BRD4: variants seen among roughly 807,000 people sequenced by gnomAD.
BRD4 encodes the protein bromodomain-containing protein 4.
In BRD4, 16 loss-of-function variants were observed where a neutral mutation model predicts 142.1. The observed-to-expected ratio is 0.11, with a 90% CI of 0.08 to 0.17. The LOEUF (loss-of-function observed/expected upper bound fraction) is 0.17. BRD4 is among the 10% of genes least tolerant of loss of function. The pLI, the probability that BRD4 is intolerant of heterozygous loss-of-function variation, is 1.00. For synonymous variants in BRD4, 833 were observed against 707.5 expected, an observed-to-expected ratio of 1.18 and a Z score of -2.82; for missense variants, 1,424 against 1,810.9, an observed-to-expected ratio of 0.79 and a Z score of 3.88.
intron 1 of BRD4, among the ~76,000 whole-genome samples, chr19:15,330,299 T>C (rs1334797328): frequency 6.6e-6 from 1 of 152,184 alleles, no homozygotes; most frequent in African/African-American, 2.4e-5. Flanking sequence ...TACATTTTGT[T>C]TCAGATTAGG....
At position 15,244,587 on chromosome 19, in the gene BRD4, T is replaced by C. The variant is rs2145517093; in HGVS notation, c.2225A>G (p.His742Arg). The C allele has an allele frequency of 6.2e-7, 1 of 1,610,204 alleles. No individual in the cohort carries two copies. The highest frequency in any genetic ancestry group is 1.7e-5 in the Admixed American group (1 of 59,964). Reference protein sequence around the residue: ...GREQKKHHHHHHQQMQQAPAP... With the variant: ...GREQKKHHHHRHQQMQQAPAP... ...CGGGGCCTGCTGCATCTGCTGATGG[T>C]GGTGATGATGGTGCTGCAGACAGAG... The change falls in exon 13 of 20, where the codon CAC becomes CGC. Residue 742 changes from histidine to arginine, a missense_variant. This residue lies in a region of BRD4 where 598 missense variants were observed against 647.8 expected (regional missense o/e 0.92). Transcript: ENST00000679869.
intron 1 of BRD4, among the ~76,000 whole-genome samples, chr19:15,296,681 C>T (rs1432714965): frequency 2.6e-5 from 4 of 152,188 alleles, no homozygotes; most frequent in East Asian, 3.8e-4. Flanking sequence ...AGTCTCCTGA[C>T]CGTCCAGCCA....
chr19:15,306,216 A>T lies in BRD4; in HGVS notation c.-35+26074T>A, dbSNP rs139717879. Reference sequence around the variant, plus strand: ...CTTCGAGAACTCCTTTGCATTCACAATCTGGCTAACTCTCTGGCTTAAGCA... The same window carrying T: ...CTTCGAGAACTCCTTTGCATTCACATTCTGGCTAACTCTCTGGCTTAAGCA... On this transcript the variant is annotated intron_variant, in intron 1 of 19. Transcript: ENST00000679869. Among the ~76,000 whole-genome samples the T allele has an allele frequency of 3.3e-3, 505 of 152,298 alleles. 1 individual carries two copies. Among genetic ancestry groups the T allele is most frequent in the Non-Finnish European group, 6.0e-3 (409 of 68,026 alleles).
At chr19:15,242,661 C>T (rs1660262899) in intron 14 of BRD4, among the ~76,000 whole-genome samples, 1 of 152,158 alleles carries the variant, frequency 6.6e-6, no homozygotes, top group South Asian at 2.1e-4. Flanking sequence ...GTGCTCCTGA[C>T]TCAAGAGAGG....
chr19:15,244,485 G>A lies in BRD4; in HGVS notation c.2327C>T (p.Pro776Leu), dbSNP rs1282368628. The A allele has an allele frequency of 7.1e-6, 11 of 1,539,900 alleles. No individual in the cohort carries two copies. Among genetic ancestry groups the A allele is most frequent in the South Asian group, 3.5e-5 (3 of 85,072 alleles). ...PPPPPQQQQQPPPPPPPPSMP... is the reference protein window; with the variant it reads ...PPPPPQQQQQLPPPPPPPSMP... Reference sequence around the variant, plus strand: ...GGAGGGTGGGGGAGGCGGGGGTGGCGGCTGCTGTTGCTGCTGCGGAGGTGG... The same window carrying A: ...GGAGGGTGGGGGAGGCGGGGGTGGCAGCTGCTGTTGCTGCTGCGGAGGTGG... Residue 776 changes from proline (P) to leucine (L), a missense_variant, in exon 13 of 20, where the codon CCG becomes CTG. Physicochemically the swap from Pro to Leu is moderately conservative, Grantham distance 98. Around this residue, in one of 16 missense-constraint regions of BRD4, gnomAD observed 598 missense variants for 647.8 expected, o/e 0.92. Coordinates refer to ENST00000679869, the MANE Select transcript of BRD4 (RefSeq NM_001379291.1).
At chr19:15,331,147 G>A (rs1162070320) in intron 1 of BRD4, among the ~76,000 whole-genome samples, 1 of 152,078 alleles carries the variant, frequency 6.6e-6, no homozygotes, top group East Asian at 1.9e-4. Context: ...AAGTAAACAA[G>A]CAAATAAAAA....
chr19:15,244,304 G>C lies in BRD4; in HGVS notation c.2508C>G (p.Pro836=), dbSNP rs778088430. The C allele has an allele frequency of 6.3e-7, 1 of 1,596,956 alleles. No homozygotes were observed. Among genetic ancestry groups the C allele is most frequent in the Non-Finnish European group, 8.5e-7 (1 of 1,173,872 alleles). The change falls in exon 13 of 20, where the codon CCC becomes CCG. Residue 836 remains proline (P), a synonymous_variant. Coordinates refer to ENST00000679869, the MANE Select transcript of BRD4 (RefSeq NM_001379291.1). ...PILHLPQPEL[P]PHLPQPPEHS... ...GCTCAGGCGGCTGGGGCAGGTGAGG[G>C]GGCAGCTCAGGCTGCGGCAGGTGCA...
At chr19:15,257,656 A>G (rs903816470) in intron 7 of BRD4, among the ~76,000 whole-genome samples, 2 of 152,172 alleles carry the variant, frequency 1.3e-5, no homozygotes, top group Non-Finnish European at 2.9e-5. Flanking sequence ...ACCTGCCACA[A>G]GCGCACCTCC....
Position 15,263,416 on chromosome 19 carries a change from TC to T in BRD4, c.1341+3del. On this transcript the variant is annotated splice_donor_region_variant and intron_variant, in intron 7 of 19. Transcript: ENST00000679869. ...GAGGGTGGCTGCGCCCTCCCAAGCC[TC>T]ACCTGGAGCTTGCGGGCCATGGCCA... The T allele has an allele frequency of 1.9e-6, 3 of 1,613,440 alleles. No individual in the cohort carries two copies. Among genetic ancestry groups the T allele is most frequent in the Non-Finnish European group, 2.5e-6 (3 of 1,179,406 alleles).
At position 15,236,800 on chromosome 19, in the gene BRD4, C is replaced by T. The variant is rs2047195071; in HGVS notation, c.*1577G>A. 4 of 178,990 alleles carry T rather than the reference C, an allele frequency of 2.2e-5. No homozygotes were observed. The highest frequency in any genetic ancestry group is 4.0e-4 in the South Asian group (2 of 5,040). 11.1% of individuals were successfully genotyped at this position (178,990 alleles called of 1,614,324 possible). A position where few individuals can be genotyped will look rare whatever the true frequency, so the allele number is the denominator to read the frequency against. Reference sequence around the variant, plus strand: ...GGTCCCCTGGGCCTAGCCTAGGCAACAGTTGGTTCACAAAGAAATGTCAGG... The same window carrying T: ...GGTCCCCTGGGCCTAGCCTAGGCAATAGTTGGTTCACAAAGAAATGTCAGG... On this transcript the variant is annotated 3_prime_UTR_variant, in exon 20 of 20. Coordinates refer to ENST00000679869, the MANE Select transcript of BRD4 (RefSeq NM_001379291.1).
chr19:15,249,095 G>A (rs1453479752), intron 11 of BRD4: 2 of 929,416 alleles, frequency 2.2e-6, no homozygotes, highest in South Asian at 3.4e-5. Context: ...CTTCCCGAAG[G>A]CGGGACTAGG....
At position 15,292,777 on chromosome 19, in the gene BRD4, C is replaced by CAAAAAAAAA. The variant is rs57341445; in HGVS notation, c.-34-19653_-34-19645dup. ...TAGGTGACAGATCAAGACTCCGTCT[C>CAAAAAAAAA]AAAAAAAAAAAAAAAAAAAAAAAAA... On this transcript the variant is annotated intron_variant, in intron 1 of 19. Transcript: ENST00000679869. Among the ~76,000 whole-genome samples the CAAAAAAAAA allele has an allele frequency of 2.1e-3, 120 of 57,246 alleles. 1 individual carries two copies. The highest frequency in any genetic ancestry group is 2.9e-3 in the Non-Finnish European group (89 of 30,800). The allele number at this position is 57,246 out of a possible 152,430, so 37.6% of individuals were successfully genotyped here.
At chr19:15,323,413 G>A (rs1343644882) in intron 1 of BRD4, among the ~76,000 whole-genome samples, 1 of 152,070 alleles carries the variant, frequency 6.6e-6, no homozygotes, top group Non-Finnish European at 1.5e-5. Context: ...CCACCTCCAT[G>A]TAGTTTTTTT....
At chr19:15,280,844 A>T (rs1373842647) in intron 1 of BRD4, among the ~76,000 whole-genome samples, 4 of 152,240 alleles carry the variant, frequency 2.6e-5, no homozygotes, top group African/African-American at 9.6e-5. Context: ...CAAGAGGATG[A>T]GGGACCCTGA....
chr19:15,289,606 C>T (rs561537737), intron 1 of BRD4, among the ~76,000 whole-genome samples: 2 of 151,688 alleles, frequency 1.3e-5, no homozygotes, highest in South Asian at 4.2e-4. Context: ...GTATTACTTC[C>T]CACTCAAAAC....
chr19:15,286,949 C>G (rs2047744479), intron 1 of BRD4, among the ~76,000 whole-genome samples: 1 of 152,222 alleles, frequency 6.6e-6, no homozygotes, highest in Non-Finnish European at 1.5e-5. Context: ...TTTAGGAACT[C>G]TGCTCTGGGG....
intron 1 of BRD4, among the ~76,000 whole-genome samples, chr19:15,274,027 T>G (rs2047619386): frequency 6.6e-6 from 1 of 152,162 alleles, no homozygotes; most frequent in Non-Finnish European, 1.5e-5. Flanking sequence ...TAATCCTATT[T>G]TAAAAGCTCC....
intron 1 of BRD4, among the ~76,000 whole-genome samples, chr19:15,286,535 G>C (rs1270665340): frequency 1.3e-5 from 2 of 152,150 alleles, no homozygotes; most frequent in Non-Finnish European, 2.9e-5. Context: ...CATTAACAGA[G>C]AAAGCAGGTA....
chr19:15,289,381 G>A (rs1044285252), intron 1 of BRD4, among the ~76,000 whole-genome samples: 14 of 152,140 alleles, frequency 9.2e-5, no homozygotes, highest in African/African-American at 2.9e-4. Context: ...GAGAAACCCC[G>A]TCTCTACTAA....
Sources: allele counts gnomAD v4.1 joint callset (sites outside exome capture counted in the v4.1 genomes callset), GRCh38; gene constraint gnomAD v4.1.1; regional missense constraint gnomAD v4.1.1; transcripts MANE v1.5; gene names NCBI Gene and HGNC (gene_info 2026-07-23, HGNC 2026-07-21).